The following BCL11A variants were observed in gnomAD, a reference collection of about 807,000 sequenced individuals.
BCL11A encodes B cell CLL/lymphoma 11A.
Under a neutral mutation model 55.9 loss-of-function variants are expected in BCL11A, and 2 were observed. The observed-to-expected ratio is 0.04, with a 90% confidence interval of 0.01 to 0.11. BCL11A has a LOEUF of 0.11. Among genes scored for constraint, BCL11A ranks in the 10% least tolerant of loss-of-function variants. The pLI is 1.00. For synonymous variants in BCL11A, 465 were observed against 473.4 expected (o/e 0.98, Z 0.23); for missense variants, 817 against 1,137.1 (o/e 0.72, Z 4.05).
rs1405736110 is a variant in BCL11A at position 60,462,303 on chromosome 2, G to A, written c.609C>T (p.His203=). 14 of 1,614,014 alleles carry A rather than the reference G, an allele frequency of 8.7e-6. No individual in the cohort carries two copies. The highest frequency in any genetic ancestry group is 1.3e-5 in the African/African-American group (1 of 74,892). ...HGLRIYLESE[H]GSPLTPRVGI... ...CAACCCGCGGGGTCAGGGGACTTCCGTGTTCGCTTTCTAAGTAGATTCTTA... is the reference window on the plus strand; with the variant it reads ...CAACCCGCGGGGTCAGGGGACTTCCATGTTCGCTTTCTAAGTAGATTCTTA... Residue 203 remains histidine, a synonymous_variant, in exon 4 of 4, where the codon CAC becomes CAT. Transcript: ENST00000642384.
chr2:60,525,540 A>G (rs1669164039), intron 2 of BCL11A: 2 of 152,322 alleles, frequency 1.3e-5, no homozygotes, highest in South Asian at 4.1e-4. Flanking sequence ...GGTGAGCCCC[A>G]TTCAGCAACT....
chr2:60,536,479 C>A (rs1051944666), intron 2 of BCL11A: 3 of 152,196 alleles, frequency 2.0e-5, no homozygotes, highest in Admixed American at 2.0e-4. Flanking sequence ...GGTCCACAGT[C>A]CTGACCAATT....
At chr2:60,468,297 T>C (rs1677005286) in intron 3 of BCL11A, among the ~76,000 whole-genome samples, 1 of 152,156 alleles carries the variant, frequency 6.6e-6, no homozygotes, top group Non-Finnish European at 1.5e-5. Flanking sequence ...ATAAGGAATA[T>C]GCATTGGAAT....
intron 2 of BCL11A, chr2:60,526,748 T>C (rs1019979395): frequency 1.3e-5 from 2 of 152,210 alleles, no homozygotes; most frequent in Non-Finnish European, 2.9e-5. Context: ...AAAGCAGCCA[T>C]AAATTACATG....
intron 2 of BCL11A, among the ~76,000 whole-genome samples, chr2:60,512,646 C>T (rs964489597): frequency 6.6e-6 from 1 of 152,176 alleles, no homozygotes; most frequent in African/African-American, 2.4e-5. Context: ...CTAAAGAAAA[C>T]TGAAGCCCCC....
chr2:60,453,455 C>G (rs946397137), downstream of BCL11A, among the ~76,000 whole-genome samples: 36 of 152,212 alleles, frequency 2.4e-4, no homozygotes, highest in Middle Eastern at 3.2e-3. Context: ...AAGCAGGGGC[C>G]TGGGGCCTCC....
rs748504863 is a variant in BCL11A, at chr2:60,460,974, C to T, written c.1938G>A (p.Pro646=). The T allele has an allele frequency of 3.1e-6, 5 of 1,609,918 alleles. No individual in the cohort carries two copies. Among genetic ancestry groups the T allele is most frequent in the African/African-American group, 1.3e-5 (1 of 74,878 alleles). Residue 646 remains proline, a synonymous_variant, in exon 4 of 4, where the codon CCG becomes CCA. Transcript: ENST00000642384. The part of the protein sequence containing the change: ...IKLEKEFDLP[P]AAMPNTENVY... ...CGTTCTCCGTGTTGGGCATCGCGGC[C>T]GGGGGCAGGTCGAACTCCTTCTCGA...
intron 2 of BCL11A, among the ~76,000 whole-genome samples, chr2:60,539,299 C>T (rs1173448156): frequency 2.6e-5 from 4 of 152,236 alleles, no homozygotes; most frequent in African/African-American, 4.8e-5. Context: ...AGTAACTGTG[C>T]GCCTATTGTA....
In BCL11A at chr2:60,490,199, T is replaced by A. The variant is rs560483888; in HGVS notation, c.386-21366A>T. 1.9e-3 allele frequency among the ~76,000 whole-genome samples: 288 copies of A among 152,270 alleles called. 10 individuals carry two copies. The highest frequency in any genetic ancestry group is 1.5e-3 in the Non-Finnish European group (104 of 68,004). ...AACTCCATCCTCTAGAACATATAAGTCAACAGGGGAGAACTCGGCATGAAG... is the reference window on the plus strand; with the variant it reads ...AACTCCATCCTCTAGAACATATAAGACAACAGGGGAGAACTCGGCATGAAG... On this transcript the variant is annotated intron_variant, in intron 2 of 3. Transcript: ENST00000642384.
chr2:60,536,232 T>G (rs1004610525), intron 2 of BCL11A: 1 of 151,928 alleles, frequency 6.6e-6, no homozygotes, highest in Admixed American at 6.6e-5. Context: ...CGCACCCTTC[T>G]CCCCCTCTCT....
chr2:60,482,625 A>G (rs1357180791), intron 2 of BCL11A, among the ~76,000 whole-genome samples: 4 of 152,212 alleles, frequency 2.6e-5, no homozygotes, highest in Non-Finnish European at 5.9e-5. Flanking sequence ...AGACTTGGAA[A>G]GTTCTCCATA....
At position 60,468,002 on chromosome 2, in the gene BCL11A, GTGGTGA is replaced by G. The variant is rs1572965630; in HGVS notation, c.487+724_487+729del. 1.5e-3 allele frequency among the ~76,000 whole-genome samples: 193 copies of G among 127,202 alleles called. 2 individuals carry two copies. The highest frequency in any genetic ancestry group is 3.0e-3 in the Admixed American group (39 of 13,214). The allele number at this position is 127,202 out of a possible 152,430, so 83.4% of individuals were successfully genotyped here. Reference sequence around the variant, plus strand: ...AGTGATGGTGGTGGTAATGGTGGTGGTGGTGATGGTGGTGGTGGTGGTAGTGGTGGT... The same window carrying G: ...AGTGATGGTGGTGGTAATGGTGGTGGTGGTGGTGGTGGTGGTAGTGGTGGT... On this transcript the variant is annotated intron_variant, in intron 3 of 3. Coordinates refer to ENST00000642384, the MANE Select transcript of BCL11A (RefSeq NM_022893.4).
intron 2 of BCL11A, among the ~76,000 whole-genome samples, chr2:60,517,936 A>ATGCACATGCATGCATACAC (rs1558464937): frequency 2.0e-5 from 3 of 148,158 alleles, no homozygotes; most frequent in East Asian, 1.9e-4. Flanking sequence ...CTAGAGGAAC[A>ATGCACATGCATGCATACAC]AGAACCTTAC....
chr2:60,487,403 CG>C (rs112569277), intron 2 of BCL11A, among the ~76,000 whole-genome samples: 183 of 152,084 alleles, frequency 1.2e-3, no homozygotes, highest in African/African-American at 4.1e-3. Flanking sequence ...TGGGCAGTTA[CG>C]TTTTCGTCAT....
chr2:60,551,236 G>T (rs1216008393), intron 1 of BCL11A, among the ~76,000 whole-genome samples: 1 of 152,162 alleles, frequency 6.6e-6, no homozygotes, highest in Non-Finnish European at 1.5e-5. Context: ...AGTGCCCACC[G>T]CCCGCCTTTC....
intron 2 of BCL11A, among the ~76,000 whole-genome samples, chr2:60,472,642 G>A (rs1361802925): frequency 1.3e-5 from 2 of 152,148 alleles, no homozygotes; most frequent in Non-Finnish European, 2.9e-5. Flanking sequence ...CATATATTGG[G>A]TACCAACTTT....
chr2:60,482,439 G>A (rs1428545323), intron 2 of BCL11A, among the ~76,000 whole-genome samples: 1 of 152,160 alleles, frequency 6.6e-6, no homozygotes, highest in Non-Finnish European at 1.5e-5. Context: ...TAGTTCCTGG[G>A]CACCAGGCAT....
chr2:60,468,819 A>G lies in BCL11A; in HGVS notation c.400T>C (p.Trp134Arg), dbSNP rs1677039772. 3 of 1,606,422 alleles carry G rather than the reference A, an allele frequency of 1.9e-6. No homozygotes were observed. The highest frequency in any genetic ancestry group is 1.3e-5 in the African/African-American group (1 of 74,504). ...GAACGAGGGGAGGAGAGGCCCCTCC[A>G]GTGCAGAAGTTTATCTGTGAAAGAA... ...QEHIADKLLHWRGLSSPRSAH... is the reference protein window; with the variant it reads ...QEHIADKLLHRRGLSSPRSAH... Residue 134 changes from tryptophan to arginine, a missense_variant, in exon 3 of 4, where the codon TGG becomes CGG. Physicochemically the swap from Trp to Arg is moderately radical, Grantham distance 101. This residue lies in a region of BCL11A where 363 missense variants were observed against 486.6 expected (regional missense o/e 0.75). Transcript: ENST00000642384.
chr2:60,499,365 G>C (rs1460620119), intron 2 of BCL11A, among the ~76,000 whole-genome samples: 3 of 152,084 alleles, frequency 2.0e-5, no homozygotes, highest in Non-Finnish European at 4.4e-5. Flanking sequence ...ATTCCTTCAG[G>C]AGCAATACTC....
Sources: gnomAD v4.1 joint callset for allele counts (sites outside exome capture counted in the v4.1 genomes callset) on GRCh38, gnomAD v4.1.1 for gene constraint, gnomAD v4.1.1 regional missense constraint, MANE v1.5 for transcripts, NCBI Gene and HGNC (gene_info 2026-07-23, HGNC 2026-07-21) for gene names.